Variants in USP38 observed in about 807,000 individuals in gnomAD.
USP38 encodes ubiquitin specific peptidase 38, also known as ubiquitin carboxyl-terminal hydrolase 38.
In USP38, 49 loss-of-function variants were observed where a neutral mutation model predicts 94.3. The ratio of observed to expected loss-of-function variants is 0.52; its 90% confidence interval spans 0.41 to 0.66. USP38 has a LOEUF of 0.66. Among genes scored for constraint, USP38 ranks in the 30% least tolerant of loss-of-function variants. The pLI, the probability that USP38 is intolerant of heterozygous loss-of-function variation, is 0.00. For synonymous variants in USP38, 468 were observed against 463.6 expected (o/e 1.01, Z -0.12); for missense variants, 1,128 against 1,229.4 (o/e 0.92, Z 1.23).
At chr4:143,220,273 T>A in intron 9 of USP38, 22 bp from the exon 10 acceptor site, 1 of 1,596,908 alleles carries the variant, frequency 6.3e-7, no homozygotes, top group African/African-American at 1.4e-5. Flanking sequence ...TTTAATTTCA[T>A]AAAAGTTATT....
chr4:143,219,295 CAGAT>C (rs1157113073), intron 9 of USP38, among the ~76,000 whole-genome samples: 2 of 151,974 alleles, frequency 1.3e-5, no homozygotes, highest in African/African-American at 2.4e-5. Flanking sequence ...TATAATATGA[CAGAT>C]AGGTGTCAGG....
At position 143,214,248 on chromosome 4, in the gene USP38, C is replaced by T. The variant is rs1732118080; in HGVS notation, c.2272C>T (p.Pro758Ser). Reference sequence around the variant, plus strand: ...GAAAACTATGCAAATCACGGAGGAACCTGAATACCTTATTCTTACTCTCCT... The same window carrying T: ...GAAAACTATGCAAATCACGGAGGAATCTGAATACCTTATTCTTACTCTCCT... ...AEKTMQITEE[P>S]EYLILTLLRF... The change falls in exon 9 of 10, where the codon CCT (proline) becomes TCT (serine). Residue 758 changes from proline (P) to serine (S), a missense_variant. Transcript: ENST00000307017. 3.1e-6 allele frequency: 5 copies of T among 1,613,522 alleles called. No individual in the cohort carries two copies. The highest frequency in any genetic ancestry group is 4.2e-6 in the Non-Finnish European group (5 of 1,179,786).
At chr4:143,194,014 A>G (rs1392887681) in intron 2 of USP38, among the ~76,000 whole-genome samples, 1 of 152,236 alleles carries the variant, frequency 6.6e-6, no homozygotes, top group Non-Finnish European at 1.5e-5. Flanking sequence ...GCTTGAGCCT[A>G]GGAGGCGAAC....
Position 143,220,471 on chromosome 4 carries a change from A to C in USP38, c.*15A>C. The C allele has an allele frequency of 6.2e-7, 1 of 1,603,124 alleles. No individual in the cohort carries two copies. Among genetic ancestry groups the C allele is most frequent in the Non-Finnish European group, 8.5e-7 (1 of 1,175,104 alleles). ...TCGTATTTTGATCCTGAGAGAGTCC[A>C]AAATGCACTGGTCACGAAACGTCTA... On this transcript the variant is annotated 3_prime_UTR_variant, in exon 10 of 10. Transcript: ENST00000307017.
In USP38 at chr4:143,190,958, T is replaced by TC. The variant is rs1269024509; in HGVS notation, c.818+2998dup. Among the ~76,000 whole-genome samples, 56 of 152,168 alleles carry TC rather than the reference T, an allele frequency of 3.7e-4. 1 individual carries two copies. The highest frequency in any genetic ancestry group is 3.7e-3 in the Admixed American group (56 of 15,276). The stretch of plus-strand genomic sequence containing the variant: ...TAGTACCCAATTTAGGAATTTTTTT[T>TC]CAAGATGTATTTGGGAATTAATTTT... On this transcript the variant is annotated intron_variant, in intron 2 of 9. Transcript: ENST00000307017.
intron 9 of USP38, among the ~76,000 whole-genome samples, chr4:143,216,673 G>A (rs116517959): frequency 0.036 from 5,475 of 151,806 alleles, 314 homozygotes; most frequent in African/African-American, 0.12. Context: ...AGATTGTCTT[G>A]CTATTTTACC....
chr4:143,198,757 A>G (rs1731626117), intron 4 of USP38, among the ~76,000 whole-genome samples: 1 of 152,188 alleles, frequency 6.6e-6, no homozygotes. Flanking sequence ...TAATTACATT[A>G]CACATTACCA....
chr4:143,205,281 A>G (rs1731828575), intron 5 of USP38, among the ~76,000 whole-genome samples: 1 of 152,218 alleles, frequency 6.6e-6, no homozygotes, highest in Non-Finnish European at 1.5e-5. Context: ...AAACTCCTTC[A>G]GAAAATGTTT....
rs147219891 is a variant in USP38, at chr4:143,197,864, T to C, written c.990T>C (p.Ala330=). The C allele has an allele frequency of 7.7e-5, 124 of 1,613,886 alleles. No individual in the cohort carries two copies. The Middle Eastern group carries it at 8.2e-4, about 11-fold the overall frequency. ...RLWFPLVRPG[A]LAVLSHMLLS... is the part of the protein sequence containing the mutation. The stretch of plus-strand genomic sequence containing the variant: ...GGTTTCCTCTTGTGAGACCTGGTGC[T>C]CTTGCAGTTCTTTCTCACATGCTGC... The change falls in exon 4 of 10, where the codon GCT becomes GCC. Residue 330 remains alanine (A), a synonymous_variant. Transcript: ENST00000307017.
In USP38 at chr4:143,214,509, G is replaced by A. The variant is rs773610826; in HGVS notation, c.2533G>A (p.Val845Ile). ...TKLVPYLLSS[V>I]VVHSGISSES... ...ATTGGTGCCCTATCTATTAAGTTCC[G>A]TTGTGGTTCACTCTGGTATATCCTC... Residue 845 changes from valine to isoleucine, a missense_variant, in exon 9 of 10, where the codon GTT (valine) becomes ATT (isoleucine). Val to Ile is a conservative substitution (Grantham distance 29, BLOSUM62 3). Transcript: ENST00000307017. The A allele has an allele frequency of 2.7e-5, 43 of 1,613,374 alleles. No individual in the cohort carries two copies. Among genetic ancestry groups the A allele is most frequent in the South Asian group, 1.3e-4 (12 of 91,048 alleles).
At chr4:143,212,622 G>A (rs761933123) in intron 8 of USP38, among the ~76,000 whole-genome samples, 198 bp downstream of exon 8, 9 of 151,798 alleles carry the variant, frequency 5.9e-5, no homozygotes, top group Non-Finnish European at 1.0e-4. Flanking sequence ...GAGACCAGCT[G>A]TTCTCAAAGT....
At position 143,214,366 on chromosome 4, in the gene USP38, T is replaced by C. The variant is rs190991023; in HGVS notation, c.2390T>C (p.Ile797Thr). ...PLVLELPVKR[I>T]TSFSSLSESW... Reference sequence around the variant, plus strand: ...GTTTTGGAGTTGCCAGTTAAAAGAATTACTTCTTTCTCTTCATTGTCAGAA... The same window carrying C: ...GTTTTGGAGTTGCCAGTTAAAAGAACTACTTCTTTCTCTTCATTGTCAGAA... The change falls in exon 9 of 10, where the codon ATT (isoleucine) becomes ACT (threonine). Residue 797 changes from isoleucine to threonine, a missense_variant. By Grantham distance (89) the Ile-to-Thr change is moderately conservative (BLOSUM62 -1). Coordinates refer to ENST00000307017, the MANE Select transcript of USP38 (RefSeq NM_032557.6). 312 of 1,613,724 alleles carry C rather than the reference T, an allele frequency of 1.9e-4. 1 individual carries two copies. The East Asian group carries it at 5.9e-3, about 31-fold the overall frequency.
chr4:143,203,267 C>T (rs1731765609), intron 4 of USP38, 141 bp from the exon 5 acceptor site: 2 of 843,808 alleles, frequency 2.4e-6, no homozygotes, highest in Admixed American at 6.3e-5. Flanking sequence ...AAATGTTTAA[C>T]TTAATAACAA....
At chr4:143,208,171 A>G (rs1031966410) in intron 6 of USP38, among the ~76,000 whole-genome samples, 7 of 152,152 alleles carry the variant, frequency 4.6e-5, no homozygotes, top group Non-Finnish European at 8.8e-5. Flanking sequence ...TTGGGGCAAT[A>G]CAGATCCGTG....
intron 1 of USP38, among the ~76,000 whole-genome samples, chr4:143,187,005 A>G (rs906532758): frequency 1.3e-5 from 2 of 152,178 alleles, no homozygotes; most frequent in African/African-American, 4.8e-5. Flanking sequence ...GTGGAGTTTT[A>G]ACAAACGTTC....
Position 143,214,718 on chromosome 4 carries a change from T to A in USP38, c.2742T>A (p.Phe914Leu). 1 of 1,613,738 alleles carries A rather than the reference T, an allele frequency of 6.2e-7. No individual in the cohort carries two copies. The highest frequency in any genetic ancestry group is 8.5e-7 in the Non-Finnish European group (1 of 1,179,800). Residue 914 changes from phenylalanine (F) to leucine (L), a missense_variant, in exon 9 of 10, where the codon TTT becomes TTA. Coordinates refer to ENST00000307017, the MANE Select transcript of USP38 (RefSeq NM_032557.6). ...ATAAGGAAATGTCAAAAGAATGGTT[T>A]TTATTTAATGACAGTAGAGTGACAT... ...LENKEMSKEW[F>L]LFNDSRVTFT...
intron 9 of USP38, among the ~76,000 whole-genome samples, chr4:143,217,072 A>G (rs1177109516): frequency 6.6e-6 from 1 of 152,150 alleles, no homozygotes; most frequent in Non-Finnish European, 1.5e-5. Context: ...TTGGCCTCCC[A>G]AAGTGCTAGG....
intron 2 of USP38, among the ~76,000 whole-genome samples, chr4:143,192,244 T>C (rs1731416441): frequency 2.0e-5 from 3 of 152,202 alleles, no homozygotes; most frequent in Non-Finnish European, 4.4e-5. Context: ...AAAATACAGA[T>C]TTTAGATTGG....
chr4:143,195,145 A>G (rs1467388575), intron 2 of USP38, among the ~76,000 whole-genome samples: 5 of 152,186 alleles, frequency 3.3e-5, no homozygotes, highest in Non-Finnish European at 7.3e-5. Flanking sequence ...ATCTTGGATC[A>G]TATTCATATG....
Sources: allele counts gnomAD v4.1 joint callset (sites outside exome capture counted in the v4.1 genomes callset), GRCh38; gene constraint gnomAD v4.1.1; transcripts MANE v1.5; gene names NCBI Gene and HGNC (gene_info 2026-07-23, HGNC 2026-07-21).